The following SEC61A2 variants were observed in gnomAD, a reference collection of about 807,000 sequenced individuals.
SEC61A2 encodes the protein SEC61 translocon subunit alpha 2.
In SEC61A2, 28 loss-of-function variants were observed where a neutral mutation model predicts 59.9. The ratio of observed to expected loss-of-function variants is 0.47; its 90% CI spans 0.35 to 0.64. The LOEUF (loss-of-function observed/expected upper bound fraction) is 0.64. SEC61A2 is among the 30% of genes least tolerant of loss of function. SEC61A2 has a pLI of 0.01. For synonymous variants in SEC61A2, 202 were observed against 214.4 expected (o/e 0.94, Z 0.50); for missense variants, 340 against 585.9 (o/e 0.58, Z 4.33).
Position 12,161,574 on chromosome 10 carries a change from C to CT in SEC61A2, c.1167+454dup, listed in dbSNP as rs1834528912. ...TGGTCAGCATGGTAAAACCCTTTCT[C>CT]TACTAAAAATACAAAAATTAGCTGG... On this transcript the variant is annotated intron_variant, in intron 10 of 11. Transcript: ENST00000298428. The surrounding 1 kb of genome is among the most constrained non-coding windows in gnomAD (Gnocchi z 5.4). 6.6e-6 allele frequency among the ~76,000 whole-genome samples: 1 copy of CT among 152,108 alleles called. No individual in the cohort carries two copies.
rs1235890518 is a variant in SEC61A2, at chr10:12,143,732, C to A, written c.220+537C>A. ...TGGGTAACAGAGTAAGACTCTGCCTCCAAAAAAAAAGGGAGTCCAGTGTGT... is the reference window on the plus strand; with the variant it reads ...TGGGTAACAGAGTAAGACTCTGCCTACAAAAAAAAAGGGAGTCCAGTGTGT... On this transcript the variant is annotated intron_variant, in intron 4 of 11. Transcript: ENST00000298428. This position sits in a 1 kb window ranked among gnomAD's most constrained non-coding sequence, Gnocchi z 4.8. Among the ~76,000 whole-genome samples the A allele has an allele frequency of 6.6e-6, 1 of 151,464 alleles. No homozygotes were observed.
Position 12,158,096 on chromosome 10 carries a change from A to T in SEC61A2, c.966A>T (p.Gly322=). The T allele has an allele frequency of 6.2e-7, 1 of 1,610,022 alleles. No homozygotes were observed. ...FSGNFLVNLL[G]QWADVSGGGP... is the part of the protein sequence containing the mutation. ...GCAACTTTTTAGTAAATTTACTAGG[A>T]CAGTGGGCCGTGAGTATTATGTTTA... is the stretch of plus-strand genomic sequence containing the variant. The change falls in exon 9 of 12, where the codon GGA becomes GGT. Residue 322 remains glycine (G), a synonymous_variant. Transcript: ENST00000298428. The surrounding 1 kb of genome is among the most constrained non-coding windows in gnomAD (Gnocchi z 5.7).
chr10:12,149,457 A>G lies in SEC61A2; in HGVS notation c.221-138A>G. On this transcript the variant is annotated intron_variant, in intron 4 of 11. Coordinates refer to ENST00000298428, the MANE Select transcript of SEC61A2 (RefSeq NM_018144.4). This position sits in a 1 kb window ranked among gnomAD's most constrained non-coding sequence, Gnocchi z 5.2. ...TAAATGAGAACTTTTCTTAGCAAGT[A>G]GTGTTTAAGAAATGAAAATTTGCTT... 2 of 758,230 alleles carry G rather than the reference A, an allele frequency of 2.6e-6. No homozygotes were observed. Among genetic ancestry groups the G allele is most frequent in the African/African-American group, 1.8e-5 (1 of 57,110 alleles). The allele number at this position is 758,230 out of a possible 1,614,324, so 47.0% of individuals were successfully genotyped here.
In SEC61A2 at chr10:12,153,595, T is replaced by A; in HGVS notation, c.463-2183T>A. On this transcript the variant is annotated intron_variant, in intron 6 of 11. Coordinates refer to ENST00000298428, the MANE Select transcript of SEC61A2 (RefSeq NM_018144.4). The surrounding 1 kb of genome is among the most constrained non-coding windows in gnomAD (Gnocchi z 5.2). ...ACTTACAGTCCAAGAATGAAACAAG[T>A]GAAGTGGATGTACACTGATTCATTT... 1.3e-6 allele frequency: 1 copy of A among 791,236 alleles called. No individual in the cohort carries two copies. Among genetic ancestry groups the A allele is most frequent in the Non-Finnish European group, 1.8e-6 (1 of 541,336 alleles). The allele number at this position is 791,236 out of a possible 1,614,324, so 49.0% of individuals were successfully genotyped here. A position where few individuals can be genotyped will look rare whatever the true frequency, so the allele number is the denominator to read the frequency against.
chr10:12,149,632 A>G lies in SEC61A2; in HGVS notation c.258A>G (p.Thr86=), dbSNP rs1191591441. 1.9e-6 allele frequency: 3 copies of G among 1,612,770 alleles called. No homozygotes were observed. The highest frequency in any genetic ancestry group is 1.7e-5 in the Admixed American group (1 of 59,618). ...LMELGISPIV[T]SGLIMQLLAG... ...AATTGGGTATCTCCCCAATTGTAAC[A>G]TCTGGTTTGATTATGCAGTTGTTAG... The change falls in exon 5 of 12, where the codon ACA becomes ACG. Residue 86 remains threonine (T), a synonymous_variant. Transcript: ENST00000298428. The surrounding 1 kb of genome is among the most constrained non-coding windows in gnomAD (Gnocchi z 5.2).
Position 12,158,770 on chromosome 10 carries a change from A to G in SEC61A2, c.975+665A>G, listed in dbSNP as rs981073846. Reference sequence around the variant, plus strand: ...AAAAATGCTATTTGCTGCTGCTAACATGTGAGATACTGGACTCATCCTAAC... The same window carrying G: ...AAAAATGCTATTTGCTGCTGCTAACGTGTGAGATACTGGACTCATCCTAAC... On this transcript the variant is annotated intron_variant, in intron 9 of 11. Coordinates refer to ENST00000298428, the MANE Select transcript of SEC61A2 (RefSeq NM_018144.4). The surrounding 1 kb of genome is among the most constrained non-coding windows in gnomAD (Gnocchi z 5.7). Among the ~76,000 whole-genome samples the G allele has an allele frequency of 2.6e-5, 4 of 152,104 alleles. No individual in the cohort carries two copies. Among genetic ancestry groups the G allele is most frequent in the Middle Eastern group, 3.4e-3 (1 of 294 alleles).
chr10:12,164,557 C>T lies in SEC61A2; in HGVS notation c.*103C>T. 6.6e-7 allele frequency: 1 copy of T among 1,506,376 alleles called. No individual in the cohort carries two copies. The highest frequency in any genetic ancestry group is 8.8e-7 in the Non-Finnish European group (1 of 1,132,954). The allele number at this position is 1,506,376 out of a possible 1,614,324, so 93.3% of individuals were successfully genotyped here. Reference sequence around the variant, plus strand: ...CTCCCCTTTTCTCCCCTCACAGTTTCTTGTTTCGAGTGCTGACTGACCCGT... The same window carrying T: ...CTCCCCTTTTCTCCCCTCACAGTTTTTTGTTTCGAGTGCTGACTGACCCGT... On this transcript the variant is annotated 3_prime_UTR_variant, in exon 12 of 12. Transcript: ENST00000298428. The surrounding 1 kb of genome is among the most constrained non-coding windows in gnomAD (Gnocchi z 7.3).
At position 12,129,719 on chromosome 10, in the gene SEC61A2, G is replaced by C; in HGVS notation, c.-69G>C. 1 of 1,449,788 alleles carries C rather than the reference G, an allele frequency of 6.9e-7. No homozygotes were observed. The highest frequency in any genetic ancestry group is 1.3e-5 in the South Asian group (1 of 78,142). The allele number at this position is 1,449,788 out of a possible 1,614,324, so 89.8% of individuals were successfully genotyped here. Reference sequence around the variant, plus strand: ...GCGTCGGGAGCCGGTACCGAGGCCCGAGCCGCGGGAGTCGAGCGAAGGCAG... The same window carrying C: ...GCGTCGGGAGCCGGTACCGAGGCCCCAGCCGCGGGAGTCGAGCGAAGGCAG... On this transcript the variant is annotated 5_prime_UTR_variant, in exon 1 of 12. Coordinates refer to ENST00000298428, the MANE Select transcript of SEC61A2 (RefSeq NM_018144.4). This position sits in a 1 kb window ranked among gnomAD's most constrained non-coding sequence, Gnocchi z 5.6.
chr10:12,162,110 T>C lies in SEC61A2; in HGVS notation c.1168-103T>C, dbSNP rs1156350990. The C allele has an allele frequency of 3.5e-6, 3 of 857,328 alleles. No homozygotes were observed. Among genetic ancestry groups the C allele is most frequent in the South Asian group, 3.0e-5 (2 of 67,524 alleles). 53.1% of individuals were successfully genotyped at this position (857,328 alleles called of 1,614,324 possible). On this transcript the variant is annotated intron_variant, in intron 10 of 11. Transcript: ENST00000298428. This position sits in a 1 kb window ranked among gnomAD's most constrained non-coding sequence, Gnocchi z 6.1. ...TGACAATGCAACTTTCAGGTTATTGTATGTTACGTGTTAGTGTGTGGCGAG... is the reference window on the plus strand; with the variant it reads ...TGACAATGCAACTTTCAGGTTATTGCATGTTACGTGTTAGTGTGTGGCGAG...
intron 3 of SEC61A2, among the ~76,000 whole-genome samples, chr10:12,137,899 G>A (rs1176472057): frequency 6.6e-6 from 1 of 152,012 alleles, no homozygotes; most frequent in Non-Finnish European, 1.5e-5. Context: ...CCAGCTACTC[G>A]GGAGGCTGAG....
At chr10:12,141,400 T>A (rs932990453) in intron 3 of SEC61A2, among the ~76,000 whole-genome samples, 1 of 152,196 alleles carries the variant, frequency 6.6e-6, no homozygotes, top group Non-Finnish European at 1.5e-5. Flanking sequence ...TAGAGAAGGT[T>A]TTTGAAATGT....
rs1311560964 is a variant in SEC61A2 at position 12,161,741 on chromosome 10, A to AAAAT, written c.1168-458_1168-455dup. Among the ~76,000 whole-genome samples the AAAAT allele has an allele frequency of 1.1e-4, 16 of 152,068 alleles. 1 individual carries two copies. Among genetic ancestry groups the AAAAT allele is most frequent in the African/African-American group, 3.1e-4 (13 of 41,354 alleles). On this transcript the variant is annotated intron_variant, in intron 10 of 11. Coordinates refer to ENST00000298428, the MANE Select transcript of SEC61A2 (RefSeq NM_018144.4). The surrounding 1 kb of genome is among the most constrained non-coding windows in gnomAD (Gnocchi z 5.4). Reference sequence around the variant, plus strand: ...GGCGACAGAGCTAGACTCCGTCTCCAAAATAAATAAATAAATAGATAAATA... The same window carrying AAAAT: ...GGCGACAGAGCTAGACTCCGTCTCCAAAATAAATAAATAAATAAATAGATAAATA...
At position 12,156,962 on chromosome 10, in the gene SEC61A2, G is replaced by A. The variant is rs766719041; in HGVS notation, c.672G>A (p.Thr224=). Residue 224 remains threonine (T), a synonymous_variant, in exon 8 of 12, where the codon ACG becomes ACA. Transcript: ENST00000298428. This position sits in a 1 kb window ranked among gnomAD's most constrained non-coding sequence, Gnocchi z 5.2. ...IALFHLLATR[T]DKVRALREAF... ...TGTTCCATTTGTTGGCCACCAGGAC[G>A]GACAAAGTCCGAGCTTTACGGGAGG... The A allele has an allele frequency of 1.3e-4, 215 of 1,613,886 alleles. No individual in the cohort carries two copies. The highest frequency in any genetic ancestry group is 1.7e-4 in the Non-Finnish European group (200 of 1,179,904).
rs577762744 is a variant in SEC61A2 at position 12,158,310 on chromosome 10, C to G, written c.975+205C>G. On this transcript the variant is annotated intron_variant, in intron 9 of 11. Transcript: ENST00000298428. The surrounding 1 kb of genome is among the most constrained non-coding windows in gnomAD (Gnocchi z 5.7). The stretch of plus-strand genomic sequence containing the variant: ...CCCAAGCGCTTTTTATTATTTTGCT[C>G]TCTAGGAAGCACTTTCACATCTCAT... 112 of 530,716 alleles carry G rather than the reference C, an allele frequency of 2.1e-4. No homozygotes were observed. The highest frequency in any genetic ancestry group is 2.1e-3 in the African/African-American group (109 of 51,772). 32.9% of individuals were successfully genotyped at this position (530,716 alleles called of 1,614,324 possible). A position where few individuals can be genotyped will look rare whatever the true frequency, so the allele number is the denominator to read the frequency against.
rs1394746931 is a variant in SEC61A2 at position 12,164,032 on chromosome 10, GTCTT to G, written c.1245-231_1245-228del. On this transcript the variant is annotated intron_variant, in intron 11 of 11. Transcript: ENST00000298428. This position sits in a 1 kb window ranked among gnomAD's most constrained non-coding sequence, Gnocchi z 7.3. ...CTCATGTCCTGTAAGATTACATATT[GTCTT>G]TCTTGGCTGTTGACTGGTTCCTGGA... 6.6e-6 allele frequency among the ~76,000 whole-genome samples: 1 copy of G among 152,168 alleles called. No homozygotes were observed. Among genetic ancestry groups the G allele is most frequent in the African/African-American group, 2.4e-5 (1 of 41,432 alleles).
chr10:12,148,859 G>A (rs886676370), intron 4 of SEC61A2, among the ~76,000 whole-genome samples: 1 of 151,966 alleles, frequency 6.6e-6, no homozygotes, highest in Non-Finnish European at 1.5e-5. Flanking sequence ...ACTAAAACAT[G>A]TTTTTATTTT....
At chr10:12,138,518 T>C (rs530591688) in intron 3 of SEC61A2, among the ~76,000 whole-genome samples, 25 of 152,342 alleles carry the variant, frequency 1.6e-4, no homozygotes, top group Admixed American at 8.5e-4. Flanking sequence ...CGAAGTTCAC[T>C]GTAACCTTTC....
chr10:12,146,123 C>G (rs1392674194), intron 4 of SEC61A2, among the ~76,000 whole-genome samples: 1 of 152,136 alleles, frequency 6.6e-6, no homozygotes, highest in Non-Finnish European at 1.5e-5. Flanking sequence ...CAGGTTCAAG[C>G]GATTTTCCTG....
chr10:12,158,178 A>G lies in SEC61A2; in HGVS notation c.975+73A>G. The stretch of plus-strand genomic sequence containing the variant: ...ATTTCATGGTTGTATTTTTAATGGA[A>G]TGAGGTCGACATTGGAGCATTTGCT... On this transcript the variant is annotated intron_variant, in intron 9 of 11. Transcript: ENST00000298428. The surrounding 1 kb of genome is among the most constrained non-coding windows in gnomAD (Gnocchi z 5.7). The G allele has an allele frequency of 8.3e-7, 1 of 1,210,278 alleles. No individual in the cohort carries two copies. Among genetic ancestry groups the G allele is most frequent in the Admixed American group, 2.0e-5 (1 of 49,770 alleles). 75.0% of individuals were successfully genotyped at this position (1,210,278 alleles called of 1,614,324 possible). A position where few individuals can be genotyped will look rare whatever the true frequency, so the allele number is the denominator to read the frequency against.
Sources: gnomAD v4.1 joint callset for allele counts (sites outside exome capture counted in the v4.1 genomes callset) on GRCh38, gnomAD v4.1.1 for gene constraint, Gnocchi (gnomAD v3.1) non-coding constraint, MANE v1.5 for transcripts, NCBI Gene and HGNC (gene_info 2026-07-23, HGNC 2026-07-21) for gene names.